OPCML: variants seen among roughly 807,000 people sequenced by gnomAD.
OPCML encodes the protein opioid-binding protein/cell adhesion molecule.
Under a neutral mutation model 37.8 loss-of-function variants are expected in OPCML, and 13 were observed. That is an observed-to-expected ratio of 0.34 (90% CI 0.22 to 0.55). The LOEUF (loss-of-function observed/expected upper bound fraction) is 0.55. Ranked by LOEUF, OPCML falls within the 20% of genes least tolerant of loss-of-function variation. The pLI is 0.91. For synonymous variants in OPCML, 176 were observed against 168.8 expected (o/e 1.04, Z -0.33); for missense variants, 341 against 435.6 (o/e 0.78, Z 1.93).
Position 133,458,618 on chromosome 11 carries a change from T to G in OPCML, c.61+73646A>C, listed in dbSNP as rs144505744. On this transcript the variant is annotated intron_variant, in intron 1 of 7. Coordinates refer to ENST00000524381, the MANE Select transcript of OPCML (RefSeq NM_001012393.5). ...ACACGTGTGTGTGTGTATACACATA[T>G]ATACACGTGTGTGTGTATATACACA... Among the ~76,000 whole-genome samples, 197 of 95,156 alleles carry G rather than the reference T, an allele frequency of 2.1e-3. 13 individuals are homozygous for G. The highest frequency in any genetic ancestry group is 3.8e-3 in the East Asian group (15 of 3,916). The allele number at this position is 95,156 out of a possible 152,430, so 62.4% of individuals were successfully genotyped here. A position where few individuals can be genotyped will look rare whatever the true frequency, so the allele number is the denominator to read the frequency against.
At chr11:133,062,110 C>T (rs1948353586) in intron 1 of OPCML, among the ~76,000 whole-genome samples, 1 of 152,194 alleles carries the variant, frequency 6.6e-6, no homozygotes, top group Non-Finnish European at 1.5e-5. Flanking sequence ...ATATGTTGTG[C>T]TAATCTCCAT....
At chr11:132,670,744 G>A (rs188842605) in intron 2 of OPCML, among the ~76,000 whole-genome samples, 1 of 151,520 alleles carries the variant, frequency 6.6e-6, no homozygotes, top group East Asian at 1.9e-4. Context: ...TTTTTTTTTA[G>A]CACTGTTGCC....
intron 2 of OPCML, among the ~76,000 whole-genome samples, chr11:132,825,726 A>C (rs1277928100): frequency 6.6e-6 from 1 of 152,200 alleles, no homozygotes; most frequent in East Asian, 1.9e-4. Context: ...TCCCAGGGGA[A>C]GCTTATTAAC....
intron 1 of OPCML, among the ~76,000 whole-genome samples, chr11:133,120,927 A>G (rs955325741): frequency 6.6e-6 from 1 of 152,028 alleles, no homozygotes; most frequent in Non-Finnish European, 1.5e-5. Context: ...ACCCCATCAT[A>G]TTAATTCTTT....
At chr11:133,403,570 G>T (rs777522640) in intron 1 of OPCML, among the ~76,000 whole-genome samples, 1 of 152,158 alleles carries the variant, frequency 6.6e-6, no homozygotes, top group Non-Finnish European at 1.5e-5. Flanking sequence ...TGAACCAAAG[G>T]CAGGTTACTC....
At chr11:132,662,894 C>T (rs1328054681) in intron 2 of OPCML, among the ~76,000 whole-genome samples, 1 of 152,150 alleles carries the variant, frequency 6.6e-6, no homozygotes, top group Non-Finnish European at 1.5e-5. Context: ...ATGGTGTCCT[C>T]ATATATTGAG....
chr11:133,120,715 G>A (rs943445123), intron 1 of OPCML, among the ~76,000 whole-genome samples: 2 of 152,154 alleles, frequency 1.3e-5, no homozygotes, highest in Admixed American at 6.6e-5. Flanking sequence ...TTAGTTTTGT[G>A]AACATCACTC....
intron 4 of OPCML, among the ~76,000 whole-genome samples, chr11:132,513,517 T>C (rs4937706): frequency 0.2 from 30,378 of 152,100 alleles, 3,106 homozygotes; most frequent in Non-Finnish European, 0.22. Context: ...TTCAACTTTA[T>C]TTGGATTACA....
At position 133,140,513 on chromosome 11, in the gene OPCML, A is replaced by AAATAATAATAATAATAATAAT. The variant is rs377272496; in HGVS notation, c.62-197504_62-197503insATTATTATTATTATTATTATT. 1.0e-3 allele frequency among the ~76,000 whole-genome samples: 99 copies of AAATAATAATAATAATAATAAT among 95,922 alleles called. 1 individual carries two copies. The highest frequency in any genetic ancestry group is 1.8e-3 in the Admixed American group (14 of 7,934). 62.9% of individuals were successfully genotyped at this position (95,922 alleles called of 152,430 possible). Reference sequence around the variant, plus strand: ...CTGGGTGACAAGAGACTCTGTCTCAAAATAATAATAATAATAATAAGAAGA... The same window carrying AAATAATAATAATAATAATAAT: ...CTGGGTGACAAGAGACTCTGTCTCAAAATAATAATAATAATAATAATAATAATAATAATAATAATAAGAAGA... On this transcript the variant is annotated intron_variant, in intron 1 of 7. Transcript: ENST00000524381.
chr11:132,415,690 C>T lies in OPCML; in HGVS notation c.*4503G>A, dbSNP rs940655677. On this transcript the variant is annotated 3_prime_UTR_variant, in exon 8 of 8. Transcript: ENST00000524381. ...TAGCTCACTACTTTCAGGATAAAGACAACTGCATCTAATTAAGTCCACTCC... is the reference window on the plus strand; with the variant it reads ...TAGCTCACTACTTTCAGGATAAAGATAACTGCATCTAATTAAGTCCACTCC... The T allele has an allele frequency of 1.1e-4, 17 of 152,662 alleles. No homozygotes were observed. Among genetic ancestry groups the T allele is most frequent in the Non-Finnish European group, 2.2e-4 (15 of 68,032 alleles). 9.5% of individuals were successfully genotyped at this position (152,662 alleles called of 1,614,324 possible).
At chr11:133,197,498 TCATTACCA>T (rs1938581705) in intron 1 of OPCML, among the ~76,000 whole-genome samples, 1 of 152,200 alleles carries the variant, frequency 6.6e-6, no homozygotes, top group East Asian at 1.9e-4. Context: ...TAGTGTGGAC[TCATTACCA>T]CATCTCACTG....
chr11:133,465,636 G>C (rs1317622049), intron 1 of OPCML, among the ~76,000 whole-genome samples: 2 of 152,128 alleles, frequency 1.3e-5, no homozygotes, highest in African/African-American at 4.8e-5. Flanking sequence ...TGGTGGAATA[G>C]CCAAGAAGGG....
chr11:132,879,463 G>A (rs1199488862), intron 2 of OPCML, among the ~76,000 whole-genome samples: 1 of 152,202 alleles, frequency 6.6e-6, no homozygotes, highest in Non-Finnish European at 1.5e-5. Context: ...TATTACAATG[G>A]AAGGCTTAAA....
chr11:132,954,343 A>G (rs1231298307), intron 1 of OPCML, among the ~76,000 whole-genome samples: 1 of 146,998 alleles, frequency 6.8e-6, no homozygotes, highest in Non-Finnish European at 1.5e-5. Flanking sequence ...CAGGATCTCA[A>G]AATGAGGCCA....
rs572199191 is a variant in OPCML, at chr11:132,657,503, C to T, written c.147-184G>A. The T allele has an allele frequency of 1.5e-5, 11 of 757,456 alleles. No individual in the cohort carries two copies. In the South Asian group the frequency reaches 6.6e-4, roughly 45 times the overall value. The allele number at this position is 757,456 out of a possible 1,614,324, so 46.9% of individuals were successfully genotyped here. On this transcript the variant is annotated intron_variant, in intron 2 of 7. Transcript: ENST00000524381. Reference sequence around the variant, plus strand: ...ATAAACTAAGAGTGACCAGAATCATCTTGAAGAACTGACAATACAAAATCA... The same window carrying T: ...ATAAACTAAGAGTGACCAGAATCATTTTGAAGAACTGACAATACAAAATCA...
At chr11:132,897,075 A>G (rs559538782) in intron 2 of OPCML, among the ~76,000 whole-genome samples, 1 of 152,328 alleles carries the variant, frequency 6.6e-6, no homozygotes, top group East Asian at 1.9e-4. Flanking sequence ...CTCTACAGCA[A>G]GTCCCAGCTG....
At chr11:133,528,770 A>G (rs555701213) in intron 1 of OPCML, among the ~76,000 whole-genome samples, 2 of 152,360 alleles carry the variant, frequency 1.3e-5, no homozygotes, top group South Asian at 4.1e-4. Flanking sequence ...AGATCAGCGC[A>G]TGAAGACACA....
chr11:132,785,376 A>G (rs568825086), intron 2 of OPCML, among the ~76,000 whole-genome samples: 2 of 152,326 alleles, frequency 1.3e-5, no homozygotes, highest in African/African-American at 4.8e-5. Flanking sequence ...CTTCCTTACC[A>G]GCAGATTGCT....
intron 1 of OPCML, among the ~76,000 whole-genome samples, chr11:133,114,291 C>G (rs1949299060): frequency 6.6e-6 from 1 of 152,212 alleles, no homozygotes; most frequent in South Asian, 2.1e-4. Context: ...CCATCCCAGT[C>G]AGTGCCAATG....
Sources: gnomAD v4.1 joint callset for allele counts (sites outside exome capture counted in the v4.1 genomes callset) on GRCh38, gnomAD v4.1.1 for gene constraint, MANE v1.5 for transcripts, NCBI Gene and HGNC (gene_info 2026-07-23, HGNC 2026-07-21) for gene names.